GRXCR1: variants seen among roughly 807,000 people sequenced by gnomAD.
The protein encoded by GRXCR1 is glutaredoxin and cysteine rich domain containing 1.
In GRXCR1, 27 loss-of-function variants were observed where a neutral mutation model predicts 27.3. The observed-to-expected ratio is 0.99, with a 90% CI of 0.73 to 1.37. The LOEUF (loss-of-function observed/expected upper bound fraction) is 1.37. Ranked by LOEUF, GRXCR1 falls within the 40% of genes most tolerant of loss-of-function variation. The pLI, the probability that GRXCR1 is intolerant of heterozygous loss-of-function variation, is 0.00. For synonymous variants in GRXCR1, 122 were observed against 131.1 expected (o/e 0.93, Z 0.47); for missense variants, 379 against 354.4 (o/e 1.07, Z -0.56).
At chr4:43,024,001 G>A (rs1713173959) in intron 3 of GRXCR1, among the ~76,000 whole-genome samples, 1 of 152,026 alleles carries the variant, frequency 6.6e-6, no homozygotes, top group Admixed American at 6.6e-5. Context: ...TAATTCTGCT[G>A]GTGTCCATGC....
chr4:42,973,395 C>G (rs2109780551), intron 2 of GRXCR1, among the ~76,000 whole-genome samples: 1 of 152,232 alleles, frequency 6.6e-6, no homozygotes, highest in East Asian at 1.9e-4. Context: ...AACAGAAGTT[C>G]CATTGCCATT....
At chr4:42,905,833 C>G (rs945907354) in intron 1 of GRXCR1, among the ~76,000 whole-genome samples, 1 of 152,152 alleles carries the variant, frequency 6.6e-6, no homozygotes, top group Non-Finnish European at 1.5e-5. Context: ...AGGAATGTAT[C>G]TGGCATTGCC....
intron 2 of GRXCR1, among the ~76,000 whole-genome samples, chr4:43,006,867 T>TC (rs1383800830): frequency 6.6e-6 from 1 of 152,140 alleles, no homozygotes; most frequent in African/African-American, 2.4e-5. Context: ...ATGTGATGTC[T>TC]CCCCCGGACA....
intron 2 of GRXCR1, among the ~76,000 whole-genome samples, chr4:43,019,303 A>G (rs1713028267): frequency 6.6e-6 from 1 of 152,218 alleles, no homozygotes; most frequent in African/African-American, 2.4e-5. Context: ...ACACTTTTAC[A>G]TAAATGTATA....
rs768371091 is a variant in GRXCR1, at chr4:43,030,535, G to A, written c.868G>A (p.Gly290Ser). 1.9e-6 allele frequency: 3 copies of A among 1,613,552 alleles called. No individual in the cohort carries two copies. Among genetic ancestry groups the A allele is most frequent in the Non-Finnish European group, 2.5e-6 (3 of 1,179,728 alleles). Residue 290 changes from glycine to serine, a missense_variant, in exon 4 of 4, where the codon GGT (glycine) becomes AGT (serine). Physicochemically the swap from Gly to Ser is moderately conservative, Grantham distance 56. Coordinates refer to ENST00000399770, the MANE Select transcript of GRXCR1 (RefSeq NM_001080476.3). ...TCTTCAGCGTTGTAAGAACTGTGCT[G>A]GTTAATTGGAGCTTCTACCCAGGAA... ...NGLQRCKNCAG is the reference protein window; with the variant it reads ...NGLQRCKNCAS
chr4:43,019,673 C>CT, intron 2 of GRXCR1, among the ~76,000 whole-genome samples: 2 of 152,282 alleles, frequency 1.3e-5, no homozygotes, highest in South Asian at 4.1e-4. Flanking sequence ...CCCTTTCTCA[C>CT]TTTCATAGTA....
At chr4:42,958,979 G>T (rs77621713) in intron 1 of GRXCR1, among the ~76,000 whole-genome samples, 4,937 of 151,976 alleles carry the variant, frequency 0.032, 94 homozygotes, top group African/African-American at 0.048. Flanking sequence ...GTGGGAAGTA[G>T]ATTACTGTAG....
chr4:43,021,713 T>C (rs1450105847), intron 3 of GRXCR1, among the ~76,000 whole-genome samples: 1 of 152,160 alleles, frequency 6.6e-6, no homozygotes, highest in Non-Finnish European at 1.5e-5. Flanking sequence ...TGGGCAGAAA[T>C]ATAGTGCTTA....
intron 1 of GRXCR1, among the ~76,000 whole-genome samples, chr4:42,928,485 T>C (rs1330418552): frequency 1.3e-5 from 2 of 151,992 alleles, no homozygotes; most frequent in Non-Finnish European, 2.9e-5. Context: ...ATAACTTTTA[T>C]ATGAGTAATT....
At chr4:42,994,500 T>C (rs1712084801) in intron 2 of GRXCR1, among the ~76,000 whole-genome samples, 1 of 152,116 alleles carries the variant, frequency 6.6e-6, no homozygotes, top group Admixed American at 6.6e-5. Context: ...AAGTTAGTTA[T>C]CCCACTGAGT....
chr4:42,909,237 CT>C, intron 1 of GRXCR1, among the ~76,000 whole-genome samples: 1 of 152,136 alleles, frequency 6.6e-6, no homozygotes, highest in Non-Finnish European at 1.5e-5. Flanking sequence ...TAAATTATTG[CT>C]GTCAGATTTG....
chr4:42,987,238 TATAATATATAATATATATATATA>T (rs1560676850), intron 2 of GRXCR1, among the ~76,000 whole-genome samples: 5 of 63,606 alleles, frequency 7.9e-5, no homozygotes, highest in Admixed American at 2.2e-4. Context: ...ATTATATATA[TATAATATATAATATATATATATA>T]ATATATATAT....
At chr4:43,027,400 CA>C (rs1560693109) in intron 3 of GRXCR1, among the ~76,000 whole-genome samples, 1 of 152,098 alleles carries the variant, frequency 6.6e-6, no homozygotes, top group African/African-American at 2.4e-5. Flanking sequence ...TTTGTTCTGA[CA>C]AGGGGATAAA....
chr4:43,029,996 C>CTAA (rs1713370034), intron 3 of GRXCR1, among the ~76,000 whole-genome samples: 1 of 152,100 alleles, frequency 6.6e-6, no homozygotes, highest in Non-Finnish European at 1.5e-5. Flanking sequence ...TTAAATGATA[C>CTAA]TAATGGGAAA....
intron 2 of GRXCR1, among the ~76,000 whole-genome samples, chr4:42,977,519 G>T (rs1375570156): frequency 6.6e-6 from 1 of 151,904 alleles, no homozygotes; most frequent in East Asian, 1.9e-4. Flanking sequence ...GGCATGAGGT[G>T]AACTCTTAAT....
chr4:42,933,767 A>T (rs571517189), intron 1 of GRXCR1, among the ~76,000 whole-genome samples: 39 of 152,038 alleles, frequency 2.6e-4, no homozygotes, highest in Admixed American at 1.1e-3. Flanking sequence ...CAGACATCAA[A>T]TCTAGTAGAG....
At chr4:42,981,948 T>G (rs2109785397) in intron 2 of GRXCR1, among the ~76,000 whole-genome samples, 1 of 152,312 alleles carries the variant, frequency 6.6e-6, no homozygotes, top group East Asian at 1.9e-4. Flanking sequence ...AGAGCAGATA[T>G]TTGACCTCCC....
intron 2 of GRXCR1, among the ~76,000 whole-genome samples, chr4:43,014,381 T>C (rs1033447173): frequency 3.3e-5 from 5 of 152,134 alleles, no homozygotes; most frequent in African/African-American, 7.2e-5. Flanking sequence ...TTGATGGGCA[T>C]GGTAGTCACA....
intron 1 of GRXCR1, among the ~76,000 whole-genome samples, chr4:42,923,113 G>T (rs1747058636): frequency 6.6e-6 from 1 of 152,066 alleles, no homozygotes. Flanking sequence ...GACTTCTCCT[G>T]GCTTGGGCTC....
Sources: allele counts gnomAD v4.1 joint callset (sites outside exome capture counted in the v4.1 genomes callset), GRCh38; gene constraint gnomAD v4.1.1; transcripts MANE v1.5; gene names NCBI Gene and HGNC (gene_info 2026-07-23, HGNC 2026-07-21).